The following TEKT5 variants were observed in gnomAD, a reference collection of about 807,000 sequenced individuals.
TEKT5 encodes tektin-5.
In TEKT5, 52 loss-of-function variants were observed where a neutral mutation model predicts 48.7. The observed-to-expected ratio is 1.07, with a 90% CI of 0.86 to 1.35. The LOEUF (loss-of-function observed/expected upper bound fraction) is 1.35. Among genes scored for constraint, TEKT5 ranks in the 40% most tolerant of loss-of-function variants. TEKT5 has a pLI of 0.00. For missense variants in TEKT5, 831 were observed against 641.6 expected, an observed-to-expected ratio of 1.30 and a Z score of -3.19; for synonymous variants, 318 against 267.6, an observed-to-expected ratio of 1.19 and a Z score of -1.84.
chr16:10,677,757 G>T (rs1042755510), intron 4 of TEKT5, among the ~76,000 whole-genome samples: 1 of 152,190 alleles, frequency 6.6e-6, no homozygotes, highest in Admixed American at 6.5e-5. Flanking sequence ...GGTAGCAGGA[G>T]AAGAAATCGC....
intron 5 of TEKT5, among the ~76,000 whole-genome samples, chr16:10,650,985 T>G (rs1249260810): frequency 6.6e-6 from 1 of 151,714 alleles, no homozygotes; most frequent in Non-Finnish European, 1.5e-5. Flanking sequence ...GTTTGAGGAA[T>G]GGGACTCCCA....
chr16:10,656,493 TC>T (rs1433593181), intron 5 of TEKT5, among the ~76,000 whole-genome samples: 3 of 151,600 alleles, frequency 2.0e-5, no homozygotes, highest in Non-Finnish European at 4.4e-5. Flanking sequence ...GCTCAAGCGA[TC>T]CACCCGCCTT....
At chr16:10,658,720 T>TCTTC (rs113657236) in intron 5 of TEKT5, among the ~76,000 whole-genome samples, 1 of 146,410 alleles carries the variant, frequency 6.8e-6, no homozygotes, top group Non-Finnish European at 1.5e-5. Context: ...AGATATTTCT[T>TCTTC]TTTCTTTTTT....
intron 5 of TEKT5, among the ~76,000 whole-genome samples, chr16:10,665,241 T>A (rs1359392193): frequency 5.9e-5 from 9 of 152,132 alleles, no homozygotes; most frequent in Admixed American, 1.3e-4. Flanking sequence ...TGCTGGGGCA[T>A]AACATTACCC....
At chr16:10,644,726 G>A (rs964727322) in intron 5 of TEKT5, among the ~76,000 whole-genome samples, 2 of 152,218 alleles carry the variant, frequency 1.3e-5, no homozygotes, top group Non-Finnish European at 2.9e-5. Flanking sequence ...GCCTAGAACA[G>A]TGTTTGGTGC....
intron 5 of TEKT5, among the ~76,000 whole-genome samples, chr16:10,645,939 C>G (rs540084162): frequency 6.6e-6 from 1 of 152,038 alleles, no homozygotes; most frequent in East Asian, 1.9e-4. Context: ...TGAGACCAGC[C>G]TGGGCAATAT....
intron 5 of TEKT5, among the ~76,000 whole-genome samples, chr16:10,666,690 G>C (rs1406282829): frequency 6.6e-6 from 1 of 152,240 alleles, no homozygotes; most frequent in Admixed American, 6.5e-5. Context: ...GTCTGCATGG[G>C]TGGATCACCT....
intron 6 of TEKT5, among the ~76,000 whole-genome samples, chr16:10,629,333 C>T (rs1271739496): frequency 1.3e-5 from 2 of 151,994 alleles, no homozygotes; most frequent in African/African-American, 4.8e-5. Flanking sequence ...TCACGGCAAC[C>T]TCTGCCTCCC....
At chr16:10,640,932 T>C (rs192188548) in intron 5 of TEKT5, among the ~76,000 whole-genome samples, 163 of 152,354 alleles carry the variant, frequency 1.1e-3, no homozygotes, top group South Asian at 1.2e-3. Flanking sequence ...AGAGCTGCTA[T>C]GAATATTTGT....
chr16:10,659,165 C>T (rs1239594203), intron 5 of TEKT5, among the ~76,000 whole-genome samples: 1 of 152,226 alleles, frequency 6.6e-6, no homozygotes, highest in African/African-American at 2.4e-5. Context: ...AGGGGATAAT[C>T]ACCCCATGAC....
At chr16:10,657,690 T>A (rs1470937673) in intron 5 of TEKT5, among the ~76,000 whole-genome samples, 1 of 148,850 alleles carries the variant, frequency 6.7e-6, no homozygotes, top group South Asian at 2.1e-4. Context: ...CCCGGGTTCA[T>A]GCCATTCTCC....
chr16:10,640,093 TCCC>T (rs1897971738), intron 5 of TEKT5, among the ~76,000 whole-genome samples: 4 of 148,160 alleles, frequency 2.7e-5, no homozygotes, highest in African/African-American at 1.0e-4. Context: ...CTTCCTTCCT[TCCC>T]TCTCCCCTCC....
intron 5 of TEKT5, among the ~76,000 whole-genome samples, chr16:10,657,756 ATTTTTTT>A (rs59166602): frequency 7.4e-6 from 1 of 134,964 alleles, no homozygotes; most frequent in Non-Finnish European, 1.6e-5. Context: ...CGCCAAGCTA[ATTTTTTT>A]TTTTTTTTTT....
chr16:10,643,063 G>A (rs994730385), intron 5 of TEKT5, among the ~76,000 whole-genome samples: 20 of 152,280 alleles, frequency 1.3e-4, no homozygotes, highest in Admixed American at 1.3e-3. Context: ...CAAAACATAC[G>A]CACAATTACT....
At chr16:10,690,503 G>C (rs1344515) in intron 1 of TEKT5, 190,676 of 901,966 alleles carry the variant, frequency 0.21, 20,936 homozygotes, top group South Asian at 0.29. Flanking sequence ...TCTGCAGATG[G>C]GTGCCATATT....
intron 5 of TEKT5, among the ~76,000 whole-genome samples, chr16:10,666,112 C>T (rs1640610114): frequency 6.6e-6 from 1 of 152,172 alleles, no homozygotes; most frequent in African/African-American, 2.4e-5. Flanking sequence ...GTGGTGTGCA[C>T]CCATATAGGG....
At chr16:10,635,270 T>A (rs963374560) in intron 6 of TEKT5, among the ~76,000 whole-genome samples, 1 of 149,864 alleles carries the variant, frequency 6.7e-6, no homozygotes, top group Non-Finnish European at 1.5e-5. Context: ...ACCAGCCTCT[T>A]TAGCACAGCA....
intron 3 of TEKT5, among the ~76,000 whole-genome samples, 158 bp from the exon 4 acceptor site, chr16:10,682,294 A>C (rs1366494714): frequency 6.6e-6 from 1 of 151,368 alleles, no homozygotes; most frequent in Non-Finnish European, 1.5e-5. Context: ...ACATACCCAG[A>C]GGCTCCCCCC....
intron 4 of TEKT5, among the ~76,000 whole-genome samples, chr16:10,676,389 G>A (rs186541804): frequency 6.6e-6 from 1 of 152,236 alleles, no homozygotes; most frequent in Admixed American, 6.5e-5. Context: ...CCAAAAAATG[G>A]CTCCAGACAT....
Sources: allele counts gnomAD v4.1 joint callset (sites outside exome capture counted in the v4.1 genomes callset), GRCh38; gene constraint gnomAD v4.1.1; transcripts MANE v1.5; gene names NCBI Gene and HGNC (gene_info 2026-07-23, HGNC 2026-07-21).